The following SLCO2A1 variants were observed in gnomAD, a reference collection of about 807,000 sequenced individuals.
SLCO2A1 encodes matrin F/G 1.
SLCO2A1 carries 60 observed loss-of-function variants against 71.7 expected under a neutral mutation model. The ratio of observed to expected loss-of-function variants is 0.84; its 90% CI spans 0.68 to 1.04. SLCO2A1 has a LOEUF of 1.04. Among genes scored for constraint, SLCO2A1 ranks in the 50% least tolerant of loss-of-function variants. The probability of loss-of-function intolerance (pLI) is 0.00; values close to 1 mark genes in which losing one functional copy is unlikely to be tolerated. For synonymous variants in SLCO2A1, 308 were observed against 326.7 expected, an observed-to-expected ratio of 0.94 and a Z score of 0.62; for missense variants, 745 against 813.4, an observed-to-expected ratio of 0.92 and a Z score of 1.02.
In SLCO2A1 at chr3:134,021,163, C is replaced by T. The variant is rs577018884; in HGVS notation, c.96+8544G>A. Among the ~76,000 whole-genome samples the T allele has an allele frequency of 2.0e-5, 3 of 152,292 alleles. No homozygotes were observed. In the South Asian group the frequency reaches 6.2e-4, roughly 32 times the overall value. ...TGCAAACTGCAAAAGTGTGTGCGTGCCCTTTTTACCTGTTCTTTGGTTTGT... is the reference window on the plus strand; with the variant it reads ...TGCAAACTGCAAAAGTGTGTGCGTGTCCTTTTTACCTGTTCTTTGGTTTGT... On this transcript the variant is annotated intron_variant, in intron 1 of 13. Transcript: ENST00000310926.
In SLCO2A1 at chr3:133,995,911, C is replaced by T. The variant is rs116445099; in HGVS notation, c.97-16293G>A. On this transcript the variant is annotated intron_variant, in intron 1 of 13. Coordinates refer to ENST00000310926, the MANE Select transcript of SLCO2A1 (RefSeq NM_005630.3). Reference sequence around the variant, plus strand: ...CCTTCTATTGTATCCATTTATCTCCCCCCAAATTTCTGCAGGAATAGTAAG... The same window carrying T: ...CCTTCTATTGTATCCATTTATCTCCTCCCAAATTTCTGCAGGAATAGTAAG... 4.1e-3 allele frequency among the ~76,000 whole-genome samples: 623 copies of T among 152,084 alleles called. 4 individuals are homozygous for T. The highest frequency in any genetic ancestry group is 0.015 in the African/African-American group (605 of 41,526).
intron 3 of SLCO2A1, among the ~76,000 whole-genome samples, chr3:133,964,151 T>C (rs2108050324): frequency 6.6e-6 from 1 of 152,104 alleles, no homozygotes; most frequent in Non-Finnish European, 1.5e-5. Flanking sequence ...GAGGAAAAAA[T>C]GAGTTGACGT....
chr3:134,028,015 G>C (rs560872839), intron 1 of SLCO2A1, among the ~76,000 whole-genome samples: 2 of 152,320 alleles, frequency 1.3e-5, no homozygotes, highest in African/African-American at 4.8e-5. Flanking sequence ...ATTGGCCTGA[G>C]CCCAGCCCTC....
intron 2 of SLCO2A1, among the ~76,000 whole-genome samples, chr3:133,978,799 T>C (rs1934517518): frequency 6.6e-6 from 1 of 152,110 alleles, no homozygotes; most frequent in East Asian, 1.9e-4. Flanking sequence ...TCACTCTCTC[T>C]CCCCAGCTTC....
chr3:133,981,954 G>A (rs1313816291), intron 1 of SLCO2A1, among the ~76,000 whole-genome samples: 1 of 140,484 alleles, frequency 7.1e-6, no homozygotes, highest in East Asian at 2.0e-4. Flanking sequence ...CATCGTGGGC[G>A]ACAGAGCGAG....
intron 3 of SLCO2A1, among the ~76,000 whole-genome samples, chr3:133,957,200 A>G (rs1559935250): frequency 1.3e-5 from 2 of 152,120 alleles, no homozygotes; most frequent in Non-Finnish European, 1.5e-5. Flanking sequence ...GATGGGATTC[A>G]GTTTAATTCT....
At chr3:133,937,730 G>A (rs1047345001) in intron 12 of SLCO2A1, among the ~76,000 whole-genome samples, 1 of 152,200 alleles carries the variant, frequency 6.6e-6, no homozygotes, top group African/African-American at 2.4e-5. Flanking sequence ...ACTACTGTGT[G>A]CCTGTCATTA....
At chr3:133,938,311 G>A in intron 12 of SLCO2A1, 118 bp downstream of exon 12, 1 of 906,574 alleles carries the variant, frequency 1.1e-6, no homozygotes, top group Non-Finnish European at 1.8e-6. Flanking sequence ...ATTATGCACA[G>A]CTTCTCTTCG....
intron 3 of SLCO2A1, among the ~76,000 whole-genome samples, chr3:133,971,586 C>T (rs1934327966): frequency 1.3e-5 from 2 of 152,158 alleles, no homozygotes; most frequent in South Asian, 4.1e-4. Flanking sequence ...TTAAGGGCTG[C>T]CCTCTATTAT....
At position 133,973,930 on chromosome 3, in the gene SLCO2A1, G is replaced by T. The variant is rs1576441862; in HGVS notation, c.235-105C>A. ...ATCCAGGAAAACTGGAAAGGGAGGG[G>T]GCTGCCCAGTGTCAGCTGGGGCCCA... On this transcript the variant is annotated intron_variant, in intron 2 of 13. Transcript: ENST00000310926. 5 of 1,187,320 alleles carry T rather than the reference G, an allele frequency of 4.2e-6. No homozygotes were observed. The East Asian group carries it at 7.7e-5, about 18-fold the overall frequency. The allele number at this position is 1,187,320 out of a possible 1,614,324, so 73.5% of individuals were successfully genotyped here.
In SLCO2A1 at chr3:133,948,904, T is replaced by G. The variant is rs1378760713; in HGVS notation, c.929A>C (p.Asp310Ala). 6.2e-6 allele frequency: 10 copies of G among 1,613,986 alleles called. No individual in the cohort carries two copies. The highest frequency in any genetic ancestry group is 8.5e-6 in the Non-Finnish European group (10 of 1,180,008). ...GTAGGGTCAGTTACGTTTAATGAAA[T>G]CCACCAGGGAGCCTCTTGACTTGGC... is the stretch of plus-strand genomic sequence containing the variant. ...EEAKSRGSLV[D>A]FIKRFPCIFL... Residue 310 changes from aspartate (D) to alanine (A), a missense_variant, in exon 7 of 14, where the codon GAT becomes GCT. Coordinates refer to ENST00000310926, the MANE Select transcript of SLCO2A1 (RefSeq NM_005630.3).
chr3:133,994,695 G>C (rs368185142), intron 1 of SLCO2A1, among the ~76,000 whole-genome samples: 18 of 152,214 alleles, frequency 1.2e-4, no homozygotes, highest in Admixed American at 1.2e-3. Flanking sequence ...AGTCTGCCAG[G>C]CCTCGTATCA....
chr3:133,950,342 A>G (rs1933710802), intron 6 of SLCO2A1, among the ~76,000 whole-genome samples: 1 of 151,942 alleles, frequency 6.6e-6, no homozygotes, highest in Non-Finnish European at 1.5e-5. Flanking sequence ...CTATTTTGGG[A>G]CTTGAAGCCT....
chr3:134,009,531 G>A (rs920508738), intron 1 of SLCO2A1, among the ~76,000 whole-genome samples: 2 of 152,228 alleles, frequency 1.3e-5, no homozygotes, highest in Admixed American at 6.5e-5. Flanking sequence ...GCATTATGCA[G>A]CTGACTGGGT....
intron 10 of SLCO2A1, 36 bp from the exon 11 acceptor site, chr3:133,942,804 T>C (rs1434235328): frequency 1.3e-6 from 2 of 1,570,170 alleles, no homozygotes; most frequent in Admixed American, 3.6e-5. Context: ...GGGGGAAATT[T>C]GTTATTATTT....
At chr3:133,975,274 G>C (rs571854387) in intron 2 of SLCO2A1, among the ~76,000 whole-genome samples, 21 of 152,236 alleles carry the variant, frequency 1.4e-4, no homozygotes, top group African/African-American at 2.2e-4. Context: ...CCTTGTCTCA[G>C]TAAATGGCAC....
intron 2 of SLCO2A1, among the ~76,000 whole-genome samples, chr3:133,977,698 G>A (rs1934493309): frequency 6.6e-6 from 1 of 152,178 alleles, no homozygotes; most frequent in East Asian, 1.9e-4. Flanking sequence ...AAACAAGACC[G>A]TGGTGACGCA....
intron 2 of SLCO2A1, among the ~76,000 whole-genome samples, chr3:133,976,560 T>A (rs1297282178): frequency 6.6e-6 from 1 of 151,738 alleles, no homozygotes; most frequent in Admixed American, 6.6e-5. Context: ...AGCCACAGAG[T>A]CCCTTTGAAA....
rs543202988 is a variant in SLCO2A1 at position 133,992,941 on chromosome 3, G to A, written c.97-13323C>T. 3.3e-5 allele frequency among the ~76,000 whole-genome samples: 5 copies of A among 152,324 alleles called. No individual in the cohort carries two copies. In the South Asian group the frequency reaches 6.2e-4, roughly 19 times the overall value. On this transcript the variant is annotated intron_variant, in intron 1 of 13. Transcript: ENST00000310926. ...CATGAGTGTGGGTGCTGTCATGAGT[G>A]TGGGTGCTGTCATGAGTGCTGTCAC...
Sources: gnomAD v4.1 joint callset for allele counts (sites outside exome capture counted in the v4.1 genomes callset) on GRCh38, gnomAD v4.1.1 for gene constraint, MANE v1.5 for transcripts, NCBI Gene and HGNC (gene_info 2026-07-23, HGNC 2026-07-21) for gene names.